The following TMEM132D variants were observed in gnomAD, a reference collection of about 807,000 sequenced individuals.
TMEM132D encodes the protein transmembrane protein 132D.
Under a neutral mutation model 62.3 loss-of-function variants are expected in TMEM132D, and 21 were observed. That is an observed-to-expected ratio of 0.34 (90% CI 0.24 to 0.49). The LOEUF (loss-of-function observed/expected upper bound fraction) is 0.49, where lower values mean the gene tolerates loss of function less well. TMEM132D is among the 20% of genes least tolerant of loss of function. The pLI is 0.99. For synonymous variants in TMEM132D, 621 were observed against 575.6 expected, an observed-to-expected ratio of 1.08 and a Z score of -1.13; for missense variants, 1,346 against 1,402.8, an observed-to-expected ratio of 0.96 and a Z score of 0.65.
chr12:129,552,358 C>T (rs965962997), intron 2 of TMEM132D, among the ~76,000 whole-genome samples: 1 of 152,068 alleles, frequency 6.6e-6, no homozygotes, highest in South Asian at 2.1e-4. Flanking sequence ...ATCTATATAC[C>T]TAACATCTAT....
At position 129,381,672 on chromosome 12, in the gene TMEM132D, C is replaced by A. The variant is rs149791255; in HGVS notation, c.1116-43855G>T. ...GTTCTCTGCACACTCCTTTGTATTT[C>A]TGACTTTTTTCTTTTCTTTTTCCTT... is the stretch of plus-strand genomic sequence containing the variant. On this transcript the variant is annotated intron_variant, in intron 3 of 8. Coordinates refer to ENST00000422113, the MANE Select transcript of TMEM132D (RefSeq NM_133448.3). Among the ~76,000 whole-genome samples, 386 of 150,276 alleles carry A rather than the reference C, an allele frequency of 2.6e-3. 2 individuals carry two copies. The highest frequency in any genetic ancestry group is 8.9e-3 in the African/African-American group (362 of 40,850).
At chr12:129,640,473 C>A (rs895425462) in intron 2 of TMEM132D, among the ~76,000 whole-genome samples, 3 of 152,174 alleles carry the variant, frequency 2.0e-5, no homozygotes, top group African/African-American at 7.2e-5. Context: ...CTTCTCCTGA[C>A]CACATTATCC....
At chr12:129,690,886 A>G (rs969924069) in intron 2 of TMEM132D, among the ~76,000 whole-genome samples, 1 of 152,070 alleles carries the variant, frequency 6.6e-6, no homozygotes, top group Non-Finnish European at 1.5e-5. Flanking sequence ...AAAGAAGCAG[A>G]ATACACTTTC....
At chr12:129,171,065 G>T (rs1357442341) in intron 5 of TMEM132D, among the ~76,000 whole-genome samples, 4 of 152,170 alleles carry the variant, frequency 2.6e-5, no homozygotes, top group African/African-American at 9.7e-5. Context: ...TTTACCCACA[G>T]CAGAACTTCT....
chr12:129,768,666 A>T (rs375129705), intron 1 of TMEM132D, among the ~76,000 whole-genome samples: 1 of 152,116 alleles, frequency 6.6e-6, no homozygotes, highest in East Asian at 1.9e-4. Context: ...AACATGAAAG[A>T]TGGTAGAGGC....
At chr12:129,375,475 C>T (rs968890391) in intron 3 of TMEM132D, among the ~76,000 whole-genome samples, 3 of 152,156 alleles carry the variant, frequency 2.0e-5, no homozygotes, top group Non-Finnish European at 2.9e-5. Flanking sequence ...CTGGGGTATG[C>T]ATTGGGCGTG....
intron 2 of TMEM132D, among the ~76,000 whole-genome samples, chr12:129,669,680 G>A (rs1251672650): frequency 6.6e-6 from 1 of 151,532 alleles, no homozygotes; most frequent in Non-Finnish European, 1.5e-5. Flanking sequence ...ACTCCAGCCT[G>A]GGCAACGGAG....
At chr12:129,325,573 G>A (rs947552495) in intron 4 of TMEM132D, among the ~76,000 whole-genome samples, 1 of 152,178 alleles carries the variant, frequency 6.6e-6, no homozygotes, top group Non-Finnish European at 1.5e-5. Context: ...ATACAAGAGA[G>A]GACTGTGGGC....
intron 5 of TMEM132D, chr12:129,109,729 T>C: frequency 6.1e-6 from 1 of 164,352 alleles, no homozygotes; most frequent in Non-Finnish European, 1.3e-5. Context: ...CCCGCCATGA[T>C]TCTGAGGCCT....
At chr12:129,134,132 GTCTGTGTGTGTGTGTC>G (rs1408790240) in intron 5 of TMEM132D, among the ~76,000 whole-genome samples, 2 of 119,490 alleles carry the variant, frequency 1.7e-5, no homozygotes, top group Admixed American at 9.3e-5. Context: ...GTGTGTGTGT[GTCTGTGTGTGTGTGTC>G]TGTGTCTGTG....
intron 1 of TMEM132D, among the ~76,000 whole-genome samples, chr12:129,811,808 A>G (rs576921299): frequency 1.3e-5 from 2 of 151,788 alleles, no homozygotes; most frequent in South Asian, 4.3e-4. Context: ...GGTGACTTTT[A>G]GGAGCAGAAA....
Position 129,410,733 on chromosome 12 carries a change from T to C in TMEM132D, c.1116-72916A>G, listed in dbSNP as rs574637164. Among the ~76,000 whole-genome samples the C allele has an allele frequency of 1.2e-4, 18 of 152,314 alleles. No homozygotes were observed. In the East Asian group the frequency reaches 3.5e-3, roughly 29 times the overall value. ...TGATGTTAATTTTATTGGAAGTGAA[T>C]TGAATTTATATATTTTTTTAACTTT... On this transcript the variant is annotated intron_variant, in intron 3 of 8. Coordinates refer to ENST00000422113, the MANE Select transcript of TMEM132D (RefSeq NM_133448.3).
At chr12:129,756,759 A>G (rs1017278687) in intron 1 of TMEM132D, among the ~76,000 whole-genome samples, 4 of 152,230 alleles carry the variant, frequency 2.6e-5, no homozygotes, top group African/African-American at 9.6e-5. Flanking sequence ...GAAGAATTCT[A>G]TTGAGTTTCA....
At chr12:129,687,874 A>G (rs185520074) in intron 2 of TMEM132D, among the ~76,000 whole-genome samples, 2 of 152,284 alleles carry the variant, frequency 1.3e-5, no homozygotes, top group East Asian at 1.9e-4. Context: ...CTGTTAGGAC[A>G]TTGTAGGGAG....
intron 3 of TMEM132D, among the ~76,000 whole-genome samples, chr12:129,432,587 G>A (rs1468529737): frequency 5.3e-5 from 8 of 152,210 alleles, no homozygotes; most frequent in African/African-American, 1.9e-4. Flanking sequence ...TGACTCTGTA[G>A]TGTGAGACAT....
intron 1 of TMEM132D, among the ~76,000 whole-genome samples, chr12:129,840,955 A>G (rs573328087): frequency 7.4e-4 from 113 of 152,354 alleles, no homozygotes; most frequent in African/African-American, 2.6e-3. Context: ...TGATGACTAA[A>G]TTTAAGAACA....
At chr12:129,707,155 A>G (rs1881524670) in intron 1 of TMEM132D, among the ~76,000 whole-genome samples, 1 of 147,674 alleles carries the variant, frequency 6.8e-6, no homozygotes, top group Admixed American at 6.8e-5. Context: ...TAGGAAAAAT[A>G]TATATATATA....
intron 1 of TMEM132D, among the ~76,000 whole-genome samples, chr12:129,881,712 T>C (rs906550856): frequency 7.9e-5 from 12 of 151,930 alleles, no homozygotes; most frequent in African/African-American, 2.7e-4. Flanking sequence ...ACTGATCTAA[T>C]CTTCCACATA....
chr12:129,503,948 CCATCATCACTATTGTCAT>C (rs762035200), intron 3 of TMEM132D, among the ~76,000 whole-genome samples: 27 of 151,708 alleles, frequency 1.8e-4, no homozygotes, highest in Admixed American at 4.6e-4. Context: ...ATCATCATCA[CCATCATCACTATTGTCAT>C]CATCATCACT....
Sources: allele counts gnomAD v4.1 joint callset (sites outside exome capture counted in the v4.1 genomes callset), GRCh38; gene constraint gnomAD v4.1.1; transcripts MANE v1.5; gene names NCBI Gene and HGNC (gene_info 2026-07-23, HGNC 2026-07-21).